CCDC170: variants seen among roughly 807,000 people sequenced by gnomAD.
The protein encoded by CCDC170 is coiled-coil domain containing 170.
Under a neutral mutation model 72.6 loss-of-function variants are expected in CCDC170, and 69 were observed. That is an observed-to-expected ratio of 0.95 (90% CI 0.78 to 1.16). The LOEUF (loss-of-function observed/expected upper bound fraction) is 1.16. CCDC170 is among the 50% of genes most tolerant of loss of function. CCDC170 has a pLI of 0.00. For synonymous variants in CCDC170, 300 were observed against 303.9 expected, an observed-to-expected ratio of 0.99 and a Z score of 0.13; for missense variants, 852 against 832.5, an observed-to-expected ratio of 1.02 and a Z score of -0.29.
intron 6 of CCDC170, among the ~76,000 whole-genome samples, chr6:151,579,879 T>C (rs1252850720): frequency 6.6e-6 from 1 of 152,214 alleles, no homozygotes; most frequent in African/African-American, 2.4e-5. Flanking sequence ...AATCAGCTCA[T>C]TGAGTCTTCA....
At chr6:151,561,832 C>A (rs986578879) in intron 5 of CCDC170, among the ~76,000 whole-genome samples, 1 of 152,018 alleles carries the variant, frequency 6.6e-6, no homozygotes, top group African/African-American at 2.4e-5. Context: ...ACTTTTTCAT[C>A]TTCTCTTTCA....
At chr6:151,548,278 G>T (rs773397714) in intron 4 of CCDC170, 26 bp from the exon 5 acceptor site, 1 of 1,500,148 alleles carries the variant, frequency 6.7e-7, no homozygotes, top group Non-Finnish European at 8.9e-7. Context: ...ATTTTTATAG[G>T]ACAGCTGTAA....
At chr6:151,507,282 A>G (rs143210109) in intron 1 of CCDC170, among the ~76,000 whole-genome samples, 50 of 152,238 alleles carry the variant, frequency 3.3e-4, no homozygotes, top group Middle Eastern at 6.8e-3. Flanking sequence ...TTAAGGATCC[A>G]TGAGAATGTT....
intron 1 of CCDC170, among the ~76,000 whole-genome samples, chr6:151,501,444 C>T (rs1258253387): frequency 6.6e-6 from 1 of 152,126 alleles, no homozygotes; most frequent in Non-Finnish European, 1.5e-5. Context: ...GGGAAGCTGG[C>T]TAGAGGGCAT....
At chr6:151,520,459 A>G (rs7775980) in intron 1 of CCDC170, among the ~76,000 whole-genome samples, 46,080 of 152,198 alleles carry the variant, frequency 0.3, 8,309 homozygotes, top group African/African-American at 0.5. Flanking sequence ...GTTCCTTCCT[A>G]GGTGTAGGCT....
intron 5 of CCDC170, among the ~76,000 whole-genome samples, chr6:151,552,068 T>C (rs562600907): frequency 1.6e-4 from 25 of 151,700 alleles, no homozygotes; most frequent in African/African-American, 5.6e-4. Context: ...TAAATAGCAT[T>C]GACATGTTGG....
chr6:151,591,493 T>G (rs1346750083), intron 7 of CCDC170, among the ~76,000 whole-genome samples: 1 of 151,628 alleles, frequency 6.6e-6, no homozygotes, highest in Admixed American at 6.6e-5. Flanking sequence ...CTTGGATGCA[T>G]TAAACAATTT....
At chr6:151,572,649 G>GGTTTTTTTTTTTTT (rs1776234680) in intron 5 of CCDC170, among the ~76,000 whole-genome samples, 2 of 37,988 alleles carry the variant, frequency 5.3e-5, no homozygotes, top group African/African-American at 2.5e-4. Flanking sequence ...CCTTCTCTGT[G>GGTTTTTTTTTTTTT]TTTTTTTTTT....
chr6:151,584,444 T>A (rs1008744612), intron 6 of CCDC170, among the ~76,000 whole-genome samples: 9 of 152,234 alleles, frequency 5.9e-5, no homozygotes, highest in Non-Finnish European at 1.0e-4. Context: ...ATTAAAATGT[T>A]AATTAAGAAT....
chr6:151,565,516 C>T (rs1243533155), intron 5 of CCDC170, among the ~76,000 whole-genome samples: 1 of 152,188 alleles, frequency 6.6e-6, no homozygotes, highest in Non-Finnish European at 1.5e-5. Context: ...TCTCTTTCCT[C>T]CCCTTCCTTG....
chr6:151,594,559 CA>C lies in CCDC170; in HGVS notation c.1467+1280del, dbSNP rs1459683625. Among the ~76,000 whole-genome samples, 14 of 152,200 alleles carry C rather than the reference CA, an allele frequency of 9.2e-5. No individual in the cohort carries two copies. In the South Asian group the frequency reaches 1.2e-3, roughly 14 times the overall value. ...ATTGATTCTTTTTCTCAGTGTCCAA[CA>C]CCATTACTTCTTAATAATTATATAA... On this transcript the variant is annotated intron_variant, in intron 8 of 10. Coordinates refer to ENST00000239374, the MANE Select transcript of CCDC170 (RefSeq NM_025059.4).
intron 5 of CCDC170, among the ~76,000 whole-genome samples, chr6:151,554,161 C>G: frequency 6.6e-6 from 1 of 152,134 alleles, no homozygotes; most frequent in East Asian, 1.9e-4. Context: ...GTACTTGGTA[C>G]TTTTTCCCTT....
At chr6:151,571,728 G>A (rs993139741) in intron 5 of CCDC170, among the ~76,000 whole-genome samples, 7 of 146,204 alleles carry the variant, frequency 4.8e-5, no homozygotes, top group East Asian at 2.6e-4. Flanking sequence ...ACTCCGTCCC[G>A]GGAGAAAAAA....
chr6:151,567,066 A>G (rs765656235), intron 5 of CCDC170, among the ~76,000 whole-genome samples: 40 of 152,092 alleles, frequency 2.6e-4, no homozygotes, highest in Non-Finnish European at 4.6e-4. Context: ...GATTACAGGC[A>G]TGCACCACCA....
intron 5 of CCDC170, among the ~76,000 whole-genome samples, chr6:151,568,108 A>G (rs976528918): frequency 2.3e-4 from 33 of 143,360 alleles, no homozygotes; most frequent in African/African-American, 7.9e-4. Context: ...AGACTCTGAA[A>G]AAAAAAAAAA....
At chr6:151,510,494 G>A (rs1417249576) in intron 1 of CCDC170, among the ~76,000 whole-genome samples, 2 of 152,180 alleles carry the variant, frequency 1.3e-5, no homozygotes, top group African/African-American at 4.8e-5. Flanking sequence ...TGAAGTCAGA[G>A]AGGGTGTGTT....
chr6:151,546,981 G>T (rs1253580485), intron 4 of CCDC170, among the ~76,000 whole-genome samples: 1 of 138,946 alleles, frequency 7.2e-6, no homozygotes, highest in Non-Finnish European at 1.5e-5. Flanking sequence ...ACGTGAGCAG[G>T]TGCCTGTCTT....
At chr6:151,539,152 C>T (rs1465136031) in intron 3 of CCDC170, among the ~76,000 whole-genome samples, 2 of 151,998 alleles carry the variant, frequency 1.3e-5, no homozygotes, top group African/African-American at 2.4e-5. Context: ...CCCAGCTACT[C>T]GAGAGGCTGA....
chr6:151,523,954 C>A (rs879653657), intron 1 of CCDC170, among the ~76,000 whole-genome samples: 1 of 151,990 alleles, frequency 6.6e-6, no homozygotes, highest in East Asian at 1.9e-4. Context: ...GAGGTTGGAG[C>A]GAAAGTTTAA....
Sources: gnomAD v4.1 joint callset for allele counts (sites outside exome capture counted in the v4.1 genomes callset) on GRCh38, gnomAD v4.1.1 for gene constraint, MANE v1.5 for transcripts, NCBI Gene and HGNC (gene_info 2026-07-23, HGNC 2026-07-21) for gene names.